Variants in CCDC144A observed in about 807,000 individuals in gnomAD.
The protein encoded by CCDC144A is coiled-coil domain-containing protein 144A.
In CCDC144A, 41 loss-of-function variants were observed where a neutral mutation model predicts 143.8. The ratio of observed to expected loss-of-function variants is 0.29; its 90% CI spans 0.22 to 0.37. The LOEUF (loss-of-function observed/expected upper bound fraction) is 0.37. Among genes scored for constraint, CCDC144A ranks in the 10% least tolerant of loss-of-function variants. The pLI, the probability that CCDC144A is intolerant of heterozygous loss-of-function variation, is 1.00. For missense variants in CCDC144A, 637 were observed against 1,488.8 expected, an observed-to-expected ratio of 0.43 and a Z score of 9.41; for synonymous variants, 242 against 517.9, an observed-to-expected ratio of 0.47 and a Z score of 7.23.
chr17:16,687,589 G>A (rs1422748296), upstream of CCDC144A, among the ~76,000 whole-genome samples: 1 of 152,064 alleles, frequency 6.6e-6, no homozygotes, highest in Non-Finnish European at 1.5e-5. Flanking sequence ...TGCTGCCCAC[G>A]AACATTACGG....
intron 6 of CCDC144A, among the ~76,000 whole-genome samples, chr17:16,716,393 T>C (rs901217812): frequency 5.9e-5 from 9 of 152,098 alleles, no homozygotes; most frequent in African/African-American, 2.2e-4. Context: ...TCTTTTTTTG[T>C]TCACTTTCTC....
intron 2 of CCDC144A, among the ~76,000 whole-genome samples, chr17:16,694,042 ACT>A (rs1478205016): frequency 6.7e-6 from 1 of 148,214 alleles, no homozygotes; most frequent in South Asian, 2.2e-4. Flanking sequence ...TCATTATATA[ACT>A]CTTCATCATA....
chr17:16,708,209 G>A (rs1249004570), intron 4 of CCDC144A, among the ~76,000 whole-genome samples: 4 of 152,100 alleles, frequency 2.6e-5, no homozygotes, highest in Admixed American at 6.5e-5. Context: ...CAGAACTGAA[G>A]AAGATAGTCT....
At position 16,708,800 on chromosome 17, in the gene CCDC144A, C is replaced by T. The variant is rs201792224; in HGVS notation, c.743C>T (p.Thr248Met). Residue 248 changes from threonine (T) to methionine (M), a missense_variant, in exon 5 of 17, where the codon ACG becomes ATG. Coordinates refer to ENST00000399273, the MANE Select transcript of CCDC144A (RefSeq NM_001382000.1). ...KGCENKQPQK[T>M]SQEPEMAKDC... The stretch of plus-strand genomic sequence containing the variant: ...CTTCCACTTTTGCATCTGCAGAAAA[C>T]GTCTCAAGAACCAGAAATGGCTAAG... The T allele has an allele frequency of 6.8e-4, 1,103 of 1,611,652 alleles. 14 individuals carry two copies. In the African/African-American group the frequency reaches 0.013, roughly 19 times the overall value.
upstream of CCDC144A, among the ~76,000 whole-genome samples, chr17:16,684,822 G>T (rs1910723294): frequency 6.6e-6 from 1 of 152,080 alleles, no homozygotes; most frequent in African/African-American, 2.4e-5. Context: ...AATTAGCCAG[G>T]TGTAGTGGTG....
the CCDC144A span, among the ~76,000 whole-genome samples, chr17:16,680,724 T>C: frequency 6.6e-6 from 1 of 151,452 alleles, no homozygotes; most frequent in Non-Finnish European, 1.5e-5. Flanking sequence ...AAAAAAAATG[T>C]TTCAAGCTCT....
At chr17:16,719,787 A>G (rs1451425488) in intron 6 of CCDC144A, among the ~76,000 whole-genome samples, 3 of 151,982 alleles carry the variant, frequency 2.0e-5, no homozygotes, top group Non-Finnish European at 4.4e-5. Flanking sequence ...TTATATAAGA[A>G]TGTGAGTAAT....
chr17:16,748,680 A>C (rs1449607303), intron 12 of CCDC144A, among the ~76,000 whole-genome samples: 4 of 152,110 alleles, frequency 2.6e-5, no homozygotes, highest in African/African-American at 7.2e-5. Flanking sequence ...TTTTCTTTGT[A>C]TGTCTGGTAG....
chr17:16,737,106 G>C (rs1014589373), intron 12 of CCDC144A, among the ~76,000 whole-genome samples: 6 of 146,892 alleles, frequency 4.1e-5, no homozygotes, highest in African/African-American at 1.5e-4. Flanking sequence ...ATGAGGAAAA[G>C]AAGGCGAATC....
chr17:16,686,485 A>G (rs1910785523), upstream of CCDC144A, among the ~76,000 whole-genome samples: 2 of 151,916 alleles, frequency 1.3e-5, no homozygotes, highest in African/African-American at 4.8e-5. Flanking sequence ...TGCATATAGA[A>G]GAGGAATGCT....
rs577878745 is a variant in CCDC144A, at chr17:16,764,596, T to C, written c.4098+421T>C. 867 of 234,364 alleles carry C rather than the reference T, an allele frequency of 3.7e-3. 6 individuals are homozygous for C. Among genetic ancestry groups the C allele is most frequent in the African/African-American group, 0.019 (816 of 42,894 alleles). The allele number at this position is 234,364 out of a possible 1,614,324, so 14.5% of individuals were successfully genotyped here. ...TCTACCTGTCATCATATGTGAATGA[T>C]TGGTGTCCAAACACTAACCACCCAT... On this transcript the variant is annotated intron_variant, in intron 15 of 16. Transcript: ENST00000399273.
At chr17:16,713,695 AT>A (rs1912578129) in intron 6 of CCDC144A, among the ~76,000 whole-genome samples, 9 of 152,150 alleles carry the variant, frequency 5.9e-5, no homozygotes, top group Admixed American at 5.9e-4. Context: ...AAGTTAATGA[AT>A]TTTTATTTAA....
At chr17:16,717,116 T>C (rs1198995892) in intron 6 of CCDC144A, among the ~76,000 whole-genome samples, 3 of 138,396 alleles carry the variant, frequency 2.2e-5, no homozygotes, top group East Asian at 2.2e-4. Context: ...TTTTTTTTTT[T>C]TTTCTTTTCT....
the CCDC144A span, chr17:16,684,339 A>G: frequency 1.5e-6 from 1 of 689,026 alleles, no homozygotes; most frequent in East Asian, 2.6e-5. Flanking sequence ...ATTTCCATGA[A>G]GTTAATATCA....
chr17:16,687,597 CG>C (rs1294983613), upstream of CCDC144A, among the ~76,000 whole-genome samples: 1 of 152,150 alleles, frequency 6.6e-6, no homozygotes, highest in African/African-American at 2.4e-5. Flanking sequence ...ACGAACATTA[CG>C]GAGACTCCCT....
intron 15 of CCDC144A, 160 bp downstream of exon 15, chr17:16,764,335 T>G: frequency 6.9e-7 from 1 of 1,440,940 alleles, no homozygotes; most frequent in African/African-American, 1.4e-5. Context: ...TATTTTTAAG[T>G]CTCTGGAGCT....
the CCDC144A span, among the ~76,000 whole-genome samples, chr17:16,680,549 G>A: frequency 1.4e-5 from 2 of 139,478 alleles, no homozygotes; most frequent in Non-Finnish European, 3.0e-5. Context: ...CCTGAAGAAA[G>A]AAAGAAAGAG....
the CCDC144A span, among the ~76,000 whole-genome samples, chr17:16,682,639 A>G: frequency 0.34 from 51,453 of 151,876 alleles, 9,864 homozygotes; most frequent in African/African-American, 0.5. Flanking sequence ...AAAAAATGTC[A>G]GGGGAAAGTG....
chr17:16,690,712 C>T lies in CCDC144A; in HGVS notation c.312C>T (p.Asp104=). Residue 104 remains aspartate (D), a synonymous_variant, in exon 1 of 17, where the codon GAC becomes GAT. Coordinates refer to ENST00000399273, the MANE Select transcript of CCDC144A (RefSeq NM_001382000.1). ...TGGAGCACATCTTAGCTCCTGGAGA[C>T]ACTGGCGTGGACAAGAGGGATAGGA... is the stretch of plus-strand genomic sequence containing the variant. The part of the protein sequence containing the change: ...PGVEHILAPG[D]TGVDKRDRKK... The T allele has an allele frequency of 6.2e-7, 1 of 1,612,330 alleles. No homozygotes were observed. The highest frequency in any genetic ancestry group is 1.1e-5 in the South Asian group (1 of 91,026).
Sources: gnomAD v4.1 joint callset for allele counts (sites outside exome capture counted in the v4.1 genomes callset) on GRCh38, gnomAD v4.1.1 for gene constraint, MANE v1.5 for transcripts, NCBI Gene and HGNC (gene_info 2026-07-23, HGNC 2026-07-21) for gene names.